Variants in KHDRBS3 observed in about 807,000 individuals in gnomAD.
The protein encoded by KHDRBS3 is KH domain-containing, RNA-binding, signal transduction-associated protein 3.
Under a neutral mutation model 45.6 loss-of-function variants are expected in KHDRBS3, and 23 were observed. The observed-to-expected ratio is 0.50, with a 90% CI of 0.36 to 0.72. The LOEUF (loss-of-function observed/expected upper bound fraction) is 0.72, where lower values mean the gene tolerates loss of function less well. Among genes scored for constraint, KHDRBS3 ranks in the 30% least tolerant of loss-of-function variants. KHDRBS3 has a pLI of 0.00. For synonymous variants in KHDRBS3, 162 were observed against 156.5 expected, an observed-to-expected ratio of 1.04 and a Z score of -0.26; for missense variants, 352 against 424.8, an observed-to-expected ratio of 0.83 and a Z score of 1.51.
chr8:135,578,877 GT>G (rs1725064241), intron 5 of KHDRBS3, among the ~76,000 whole-genome samples: 1 of 152,094 alleles, frequency 6.6e-6, no homozygotes, highest in Admixed American at 6.5e-5. Context: ...TTCCATCAGA[GT>G]TTTGTAGTTT....
At chr8:135,512,256 CTT>C (rs1824325733) in intron 1 of KHDRBS3, among the ~76,000 whole-genome samples, 2 of 152,002 alleles carry the variant, frequency 1.3e-5, no homozygotes, top group African/African-American at 4.8e-5. Flanking sequence ...TGTAAATACT[CTT>C]TATATTTCTT....
At chr8:135,531,427 A>AC (rs2130712601) in intron 2 of KHDRBS3, among the ~76,000 whole-genome samples, 1 of 151,782 alleles carries the variant, frequency 6.6e-6, no homozygotes, top group African/African-American at 2.4e-5. Context: ...CAACAACAAA[A>AC]AAAATCAATA....
intron 1 of KHDRBS3, among the ~76,000 whole-genome samples, chr8:135,495,394 T>C (rs1823386867): frequency 1.3e-5 from 2 of 152,198 alleles, no homozygotes. Flanking sequence ...TAAGTAGAAG[T>C]TGAATCTCAG....
At chr8:135,586,510 C>T (rs1193566557) in intron 6 of KHDRBS3, among the ~76,000 whole-genome samples, 6 of 149,790 alleles carry the variant, frequency 4.0e-5, no homozygotes, top group Admixed American at 2.7e-4. Context: ...TTAAGCTACC[C>T]GAAGTAGGTA....
chr8:135,497,628 A>G (rs547596685), intron 1 of KHDRBS3, among the ~76,000 whole-genome samples: 2 of 152,322 alleles, frequency 1.3e-5, no homozygotes, highest in Non-Finnish European at 2.9e-5. Context: ...TAATATATCA[A>G]AATAAATTGA....
At chr8:135,476,104 A>G (rs1442196975) in intron 1 of KHDRBS3, among the ~76,000 whole-genome samples, 2 of 152,038 alleles carry the variant, frequency 1.3e-5, no homozygotes, top group Admixed American at 1.3e-4. Context: ...TAGTTAATTA[A>G]TTGACTTGAC....
chr8:135,468,540 C>T (rs1395922643), intron 1 of KHDRBS3, among the ~76,000 whole-genome samples: 1 of 152,208 alleles, frequency 6.6e-6, no homozygotes, highest in East Asian at 1.9e-4. Context: ...TCTACTCAAC[C>T]TCTGCTGTTG....
At chr8:135,543,026 AAAGT>A (rs1249916951) in intron 3 of KHDRBS3, among the ~76,000 whole-genome samples, 1 of 152,208 alleles carries the variant, frequency 6.6e-6, no homozygotes, top group Non-Finnish European at 1.5e-5. Flanking sequence ...TGTAGGAAGT[AAAGT>A]AATATTAAAA....
intron 6 of KHDRBS3, among the ~76,000 whole-genome samples, chr8:135,584,152 G>A (rs1828346509): frequency 6.6e-6 from 1 of 152,158 alleles, no homozygotes; most frequent in African/African-American, 2.4e-5. Context: ...ACTCACTCAT[G>A]CCTGGCACTC....
At position 135,528,543 on chromosome 8, in the gene KHDRBS3, G is replaced by A. The variant is rs1055364979; in HGVS notation, c.207+7188G>A. 8.5e-5 allele frequency among the ~76,000 whole-genome samples: 13 copies of A among 152,088 alleles called. No homozygotes were observed. The East Asian group carries it at 1.7e-3, about 20-fold the overall frequency. ...TGTGAAAATGATTTTTGATGTTCAC[G>A]TGGTAATTTACCTCTAGAAATAAAG... is the stretch of plus-strand genomic sequence containing the variant. On this transcript the variant is annotated intron_variant, in intron 2 of 8. Coordinates refer to ENST00000355849, the MANE Select transcript of KHDRBS3 (RefSeq NM_006558.3).
chr8:135,545,326 G>A (rs1826240092), intron 3 of KHDRBS3, among the ~76,000 whole-genome samples: 1 of 152,090 alleles, frequency 6.6e-6, no homozygotes, highest in Admixed American at 6.5e-5. Context: ...GAACTACCTC[G>A]GCTGTGTAAG....
chr8:135,546,337 T>G (rs1826300021), intron 3 of KHDRBS3, among the ~76,000 whole-genome samples: 1 of 152,174 alleles, frequency 6.6e-6, no homozygotes, highest in Admixed American at 6.5e-5. Context: ...TCTCATCCAT[T>G]TAGATTTTCA....
At chr8:135,523,165 A>C (rs754065203) in intron 2 of KHDRBS3, among the ~76,000 whole-genome samples, 1 of 152,132 alleles carries the variant, frequency 6.6e-6, no homozygotes, top group Non-Finnish European at 1.5e-5. Flanking sequence ...ATTACATATA[A>C]ATTTAAGAAT....
At chr8:135,483,888 A>T (rs555332018) in intron 1 of KHDRBS3, among the ~76,000 whole-genome samples, 1 of 152,288 alleles carries the variant, frequency 6.6e-6, no homozygotes, top group Admixed American at 6.5e-5. Context: ...AGCATAAATG[A>T]AGAATTCCCA....
chr8:135,512,430 G>GGGGC (rs1554620133), intron 1 of KHDRBS3, among the ~76,000 whole-genome samples: 1 of 12,686 alleles, frequency 7.9e-5, no homozygotes, highest in African/African-American at 6.0e-4. Context: ...TGGAAAAGTC[G>GGGGC]GGGGGGGGGT....
chr8:135,624,992 C>T (rs539621090), intron 7 of KHDRBS3, among the ~76,000 whole-genome samples: 24 of 152,122 alleles, frequency 1.6e-4, no homozygotes, highest in Non-Finnish European at 2.6e-4. Context: ...TGCTCTGCTA[C>T]AAGGTAAAAG....
Position 135,520,342 on chromosome 8 carries a change from A to G in KHDRBS3, c.89-895A>G, listed in dbSNP as rs534541431. On this transcript the variant is annotated intron_variant, in intron 1 of 8. Coordinates refer to ENST00000355849, the MANE Select transcript of KHDRBS3 (RefSeq NM_006558.3). ...TCATTCATTCAGCATTCATGCAAGC[A>G]CCTAATTTTGTATCTCTTGTGCAAC... 2.6e-5 allele frequency among the ~76,000 whole-genome samples: 4 copies of G among 152,258 alleles called. No individual in the cohort carries two copies. The South Asian group carries it at 8.3e-4, about 32-fold the overall frequency.
chr8:135,491,935 T>C (rs1823175166), intron 1 of KHDRBS3, among the ~76,000 whole-genome samples: 1 of 148,430 alleles, frequency 6.7e-6, no homozygotes, highest in African/African-American at 2.5e-5. Context: ...CCAACTTCTT[T>C]TTTTTTTTTT....
chr8:135,521,659 T>A (rs550833936), intron 2 of KHDRBS3, among the ~76,000 whole-genome samples: 1 of 152,310 alleles, frequency 6.6e-6, no homozygotes, highest in South Asian at 2.1e-4. Context: ...GGTTTAAAAT[T>A]ACATGAGATA....
Sources: allele counts gnomAD v4.1 joint callset (sites outside exome capture counted in the v4.1 genomes callset), GRCh38; gene constraint gnomAD v4.1.1; transcripts MANE v1.5; gene names NCBI Gene and HGNC (gene_info 2026-07-23, HGNC 2026-07-21).